CCDC110: variants seen among roughly 807,000 people sequenced by gnomAD.
CCDC110 encodes coiled-coil domain containing 110, also known as coiled-coil domain-containing protein 110.
Under a neutral mutation model 77.1 loss-of-function variants are expected in CCDC110, and 70 were observed. The observed-to-expected ratio is 0.91, with a 90% CI of 0.75 to 1.11. The LOEUF (loss-of-function observed/expected upper bound fraction) is 1.11. Among genes scored for constraint, CCDC110 ranks in the 50% least tolerant of loss-of-function variants. CCDC110 has a pLI of 0.00. For synonymous variants in CCDC110, 295 were observed against 312.5 expected (o/e 0.94, Z 0.59); for missense variants, 868 against 942.9 (o/e 0.92, Z 1.04).
At chr4:185,458,096 A>G (rs759879951) in intron 6 of CCDC110, 30 bp downstream of exon 6, 6 of 1,429,948 alleles carry the variant, frequency 4.2e-6, no homozygotes, top group Middle Eastern at 1.8e-4. Flanking sequence ...TCTTAAACAC[A>G]TCTCTACTAA....
intron 6 of CCDC110, chr4:185,449,522 T>TAAAAA: frequency 1.2e-6 from 1 of 827,070 alleles, no homozygotes; most frequent in Non-Finnish European, 1.8e-6. Context: ...GACCCGGTCT[T>TAAAAA]AAAAAAAAAA....
intron 2 of CCDC110, among the ~76,000 whole-genome samples, chr4:185,469,965 C>T (rs1181189596): frequency 6.6e-6 from 1 of 152,176 alleles, no homozygotes; most frequent in Non-Finnish European, 1.5e-5. Flanking sequence ...CTTCTCCTGC[C>T]CCGTGCTCTG....
intron 6 of CCDC110, among the ~76,000 whole-genome samples, chr4:185,455,403 A>C (rs1187500357): frequency 6.6e-6 from 1 of 152,222 alleles, no homozygotes; most frequent in East Asian, 1.9e-4. Context: ...ATCATTACAA[A>C]ATAAATATAA....
rs144121496 is a variant in CCDC110, at chr4:185,452,654, G to A, written c.2461+5472C>T. The stretch of plus-strand genomic sequence containing the variant: ...TCATGCCTGTAATCCCAACACTTTG[G>A]GAGGCCAAGATGGGTGAATTACTTG... On this transcript the variant is annotated intron_variant, in intron 6 of 6. Coordinates refer to ENST00000307588, the MANE Select transcript of CCDC110 (RefSeq NM_152775.4). Among the ~76,000 whole-genome samples the A allele has an allele frequency of 7.0e-3, 1,071 of 152,224 alleles. 18 individuals are homozygous for A. Among genetic ancestry groups the A allele is most frequent in the African/African-American group, 0.025 (1,028 of 41,530 alleles).
intron 6 of CCDC110, among the ~76,000 whole-genome samples, chr4:185,448,083 T>C (rs2153315802): frequency 6.6e-6 from 1 of 151,802 alleles, no homozygotes; most frequent in Middle Eastern, 3.4e-3. Context: ...TGCAAAGGTG[T>C]GATCTCGGCT....
intron 6 of CCDC110, 55 bp downstream of exon 6, chr4:185,458,071 A>G: frequency 8.1e-7 from 1 of 1,230,986 alleles, no homozygotes; most frequent in East Asian, 2.5e-5. Context: ...TGTAGTGCCC[A>G]ATAGGCTAAA....
At chr4:185,447,898 T>G (rs1330443244) in intron 6 of CCDC110, among the ~76,000 whole-genome samples, 1 of 152,226 alleles carries the variant, frequency 6.6e-6, no homozygotes, top group African/African-American at 2.4e-5. Context: ...AGTGAGGTAA[T>G]GTAGGTGAAA....
At chr4:185,446,723 CAA>C (rs2095612720) in intron 6 of CCDC110, among the ~76,000 whole-genome samples, 1 of 5,348 alleles carries the variant, frequency 1.9e-4, no homozygotes, top group Non-Finnish European at 1.6e-3. Context: ...CTATAGCCCA[CAA>C]CATTTTTTGT....
chr4:185,462,870 C>T, intron 3 of CCDC110, 124 bp downstream of exon 3: 1 of 1,038,292 alleles, frequency 9.6e-7, no homozygotes, highest in Non-Finnish European at 1.5e-6. Flanking sequence ...CCCCAATGTG[C>T]TTTCATGGAG....
chr4:185,460,318 G>T, intron 5 of CCDC110, 80 bp from the exon 6 acceptor site: 1 of 998,176 alleles, frequency 1.0e-6, no homozygotes, highest in Non-Finnish European at 1.4e-6. Flanking sequence ...TTTGTGGAGG[G>T]TTTATTTATG....
chr4:185,458,660 TG>T lies in CCDC110; in HGVS notation c.1926del (p.Asn643ThrfsTer38). The T allele has an allele frequency of 6.2e-7, 1 of 1,606,016 alleles. No individual in the cohort carries two copies. The highest frequency in any genetic ancestry group is 8.5e-7 in the Non-Finnish European group (1 of 1,178,854). Reference protein sequence around the residue: ...QIIETVKDEKLNLETTLQEST... With the variant: ...QIIETVKDEKXNLETTLQEST... ...GATTCTTGTAATGTTGTTTCAAGGTTGAGTTTTTCATCTTTAACTGTTTCTA... is the reference window on the plus strand; with the variant it reads ...GATTCTTGTAATGTTGTTTCAAGGTTAGTTTTTCATCTTTAACTGTTTCTA... On this transcript the variant is annotated frameshift_variant, in exon 6 of 7. Coordinates refer to ENST00000307588, the MANE Select transcript of CCDC110 (RefSeq NM_152775.4). LOFTEE classifies it high-confidence loss of function.
chr4:185,448,749 C>T (rs1232554252), intron 6 of CCDC110, among the ~76,000 whole-genome samples: 1 of 152,170 alleles, frequency 6.6e-6, no homozygotes, highest in African/African-American at 2.4e-5. Context: ...TTCCTCACCA[C>T]ACCCACCCTC....
At chr4:185,450,742 T>TAAAA (rs59657318) in intron 6 of CCDC110, among the ~76,000 whole-genome samples, 1 of 136,450 alleles carries the variant, frequency 7.3e-6, no homozygotes. Flanking sequence ...AGACTCTGTC[T>TAAAA]AAAAAAAAAA....
chr4:185,448,765 G>A (rs908625666), intron 6 of CCDC110, among the ~76,000 whole-genome samples: 1 of 152,130 alleles, frequency 6.6e-6, no homozygotes, highest in Non-Finnish European at 1.5e-5. Context: ...CCCTCTGATA[G>A]ATGGAACTTT....
In CCDC110 at chr4:185,459,417, A is replaced by G. The variant is rs1444788447; in HGVS notation, c.1170T>C (p.His390=). 1.2e-6 allele frequency: 2 copies of G among 1,612,142 alleles called. No individual in the cohort carries two copies. The highest frequency in any genetic ancestry group is 2.7e-5 in the African/African-American group (2 of 74,782). The change falls in exon 6 of 7, where the codon CAT becomes CAC. Residue 390 remains histidine (H), a synonymous_variant. Transcript: ENST00000307588. The part of the protein sequence containing the change: ...YTLSFLDQTK[H]EMKDKERQPF... ...GTTGTCTTTCTTTGTCTTTCATTTCATGTTTTGTTTGGTCGAGGAAGGACA... is the reference window on the plus strand; with the variant it reads ...GTTGTCTTTCTTTGTCTTTCATTTCGTGTTTTGTTTGGTCGAGGAAGGACA...
intron 1 of CCDC110, 39 bp from the exon 2 acceptor site, chr4:185,471,088 G>A (rs368582111): frequency 1.6e-6 from 2 of 1,243,788 alleles, no homozygotes; most frequent in Middle Eastern, 1.9e-4. Flanking sequence ...GTCGCGGGTC[G>A]TGGCGTGGCG....
At chr4:185,460,478 G>A (rs886296499) in intron 5 of CCDC110, among the ~76,000 whole-genome samples, 6 of 152,266 alleles carry the variant, frequency 3.9e-5, no homozygotes, top group Admixed American at 2.6e-4. Context: ...GAGATACATG[G>A]GCCAACCCCT....
In CCDC110 at chr4:185,458,244, C is replaced by T; in HGVS notation, c.2343G>A (p.Gln781=). 1 of 1,604,052 alleles carries T rather than the reference C, an allele frequency of 6.2e-7. No individual in the cohort carries two copies. Among genetic ancestry groups the T allele is most frequent in the Non-Finnish European group, 8.5e-7 (1 of 1,177,528 alleles). The change falls in exon 6 of 7, where the codon CAG becomes CAA. Residue 781 remains glutamine, a synonymous_variant. Coordinates refer to ENST00000307588, the MANE Select transcript of CCDC110 (RefSeq NM_152775.4). ...AAGTTGTTTTTGAAGGGTCATTATG[C>T]TGATTACAAATTTTATCACTTAAAC... ...YLSLSDKICN[Q]HNDPSKTTYI...
intron 6 of CCDC110, among the ~76,000 whole-genome samples, chr4:185,450,824 C>T (rs1281900782): frequency 6.6e-6 from 1 of 151,934 alleles, no homozygotes; most frequent in African/African-American, 2.4e-5. Flanking sequence ...TGATAGCCCT[C>T]ATTCACCAGG....
Sources: allele counts gnomAD v4.1 joint callset (sites outside exome capture counted in the v4.1 genomes callset), GRCh38; gene constraint gnomAD v4.1.1; transcripts MANE v1.5; gene names NCBI Gene and HGNC (gene_info 2026-07-23, HGNC 2026-07-21).